Variants in ZZEF1 observed in about 807,000 individuals in gnomAD.
ZZEF1 encodes zinc finger ZZ-type and EF-hand domain containing 1.
ZZEF1 carries 157 observed loss-of-function variants against 342.8 expected under a neutral mutation model. The observed-to-expected ratio is 0.46, with a 90% CI of 0.40 to 0.52. The LOEUF (loss-of-function observed/expected upper bound fraction) is 0.52. Ranked by LOEUF, ZZEF1 falls within the 20% of genes least tolerant of loss-of-function variation. ZZEF1 has a pLI of 0.00. For synonymous variants in ZZEF1, 1,505 were observed against 1,429.1 expected, an observed-to-expected ratio of 1.05 and a Z score of -1.20; for missense variants, 3,480 against 3,725.6, an observed-to-expected ratio of 0.93 and a Z score of 1.72.
chr17:4,056,842 A>G (rs957661987), intron 32 of ZZEF1: 9 of 152,176 alleles, frequency 5.9e-5, no homozygotes, highest in African/African-American at 1.7e-4. Flanking sequence ...ATTTCAGACG[A>G]GATCAGGTGC....
At chr17:4,110,604 G>A (rs945307327) in intron 5 of ZZEF1, among the ~76,000 whole-genome samples, 23 of 150,858 alleles carry the variant, frequency 1.5e-4, no homozygotes, top group African/African-American at 5.6e-4. Context: ...AGCAATCACA[G>A]AATTGTGATT....
At chr17:4,019,558 G>A (rs2056210206) in intron 46 of ZZEF1, 111 bp downstream of exon 46, 1 of 948,036 alleles carries the variant, frequency 1.1e-6, no homozygotes, top group Non-Finnish European at 1.6e-6. Flanking sequence ...CTGCTTCCCG[G>A]CCTGTCGGAG....
In ZZEF1 at chr17:4,074,814, A is replaced by G. The variant is rs2057577574; in HGVS notation, c.3483+283T>C. 2.0e-5 allele frequency among the ~76,000 whole-genome samples: 3 copies of G among 152,334 alleles called. No homozygotes were observed. The South Asian group carries it at 6.2e-4, about 32-fold the overall frequency. On this transcript the variant is annotated intron_variant, in intron 23 of 54. Transcript: ENST00000381638. ...TTCTTGCTAAGGATGAAGGCTCTTC[A>G]TTTACTCTAGACAACGCTGTCTGCT...
intron 2 of ZZEF1, among the ~76,000 whole-genome samples, chr17:4,118,409 CA>C (rs993903778): frequency 5.3e-5 from 8 of 152,174 alleles, no homozygotes; most frequent in African/African-American, 1.7e-4. Flanking sequence ...GGCCTTGCTC[CA>C]AAATCTTAAA....
chr17:4,122,830 AAAGAAAGAGG>A (rs1399499771), intron 2 of ZZEF1, among the ~76,000 whole-genome samples: 1 of 152,130 alleles, frequency 6.6e-6, no homozygotes, highest in Non-Finnish European at 1.5e-5. Flanking sequence ...ACAGAAAGAG[AAAGAAAGAGG>A]AGCCACATTC....
chr17:4,095,018 A>C (rs67815988), intron 11 of ZZEF1, among the ~76,000 whole-genome samples: 25,335 of 152,036 alleles, frequency 0.17, 2,166 homozygotes, highest in East Asian at 0.18. Flanking sequence ...CCCTCACATG[A>C]TGCTTTAAGG....
At chr17:4,074,880 T>C (rs933390692) in intron 23 of ZZEF1, among the ~76,000 whole-genome samples, 1 of 152,268 alleles carries the variant, frequency 6.6e-6, no homozygotes, top group Non-Finnish European at 1.5e-5. Context: ...AAAGCAGCTA[T>C]AAATGATAAA....
chr17:4,109,534 G>A (rs2058263510), intron 6 of ZZEF1, 119 bp downstream of exon 6: 1 of 1,048,184 alleles, frequency 9.5e-7, no homozygotes. Flanking sequence ...GGGCACCTGA[G>A]GCCGAGCTGA....
At chr17:4,064,867 AGTT>A in intron 28 of ZZEF1, 38 bp from the exon 29 acceptor site, 2 of 1,399,214 alleles carry the variant, frequency 1.4e-6, no homozygotes, top group Non-Finnish European at 1.9e-6. Flanking sequence ...AAAAAAAAAA[AGTT>A]AAAATTATGG....
chr17:4,028,873 A>G (rs746141118), intron 42 of ZZEF1, among the ~76,000 whole-genome samples: 1 of 152,256 alleles, frequency 6.6e-6, no homozygotes, highest in Non-Finnish European at 1.5e-5. Flanking sequence ...CTCTGAGGAT[A>G]CTAAAGGATG....
In ZZEF1 at chr17:4,075,563, G is replaced by A. The variant is rs2057595531; in HGVS notation, c.3235-134C>T. ...CCTGCACAAACCAGCAGGCAGGCTC[G>A]AAGACAAACCTGACATTCCCATCTT... is the stretch of plus-strand genomic sequence containing the variant. On this transcript the variant is annotated intron_variant, in intron 21 of 54. Coordinates refer to ENST00000381638, the MANE Select transcript of ZZEF1 (RefSeq NM_015113.4). 26 of 931,462 alleles carry A rather than the reference G, an allele frequency of 2.8e-5. 2 individuals carry two copies. In the South Asian group the frequency reaches 3.8e-4, roughly 14 times the overall value. The allele number at this position is 931,462 out of a possible 1,614,324, so 57.7% of individuals were successfully genotyped here.
At position 4,114,458 on chromosome 17, in the gene ZZEF1, T is replaced by C. The variant is rs201625093; in HGVS notation, c.707A>G (p.Asp236Gly). The change falls in exon 4 of 55, where the codon GAT (aspartate) becomes GGT (glycine). Residue 236 changes from aspartate (D) to glycine (G), a missense_variant. This residue lies in a region of ZZEF1 where 416 missense variants were observed against 374.2 expected (regional missense o/e 1.11). Coordinates refer to ENST00000381638, the MANE Select transcript of ZZEF1 (RefSeq NM_015113.4). ...ATCCATCTCTGGACTTCTAGTTAGA[T>C]CTCCAGGGCTTTCTGTAGGGGAAAC... ...LVQKEKESPG[D>G]LTRSPEMDKL... 6.5e-6 allele frequency: 10 copies of C among 1,546,370 alleles called. No homozygotes were observed. Among genetic ancestry groups the C allele is most frequent in the Non-Finnish European group, 7.9e-6 (9 of 1,145,344 alleles).
At chr17:4,104,094 C>T (rs1222870357) in intron 8 of ZZEF1, among the ~76,000 whole-genome samples, 1 of 152,164 alleles carries the variant, frequency 6.6e-6, no homozygotes, top group Non-Finnish European at 1.5e-5. Context: ...AGGCCCCATC[C>T]TGGTTTGGTA....
chr17:4,042,531 T>C lies in ZZEF1; in HGVS notation c.6204A>G (p.Ile2068Met), dbSNP rs367679986. 1.6e-5 allele frequency: 26 copies of C among 1,613,790 alleles called. No individual in the cohort carries two copies. Among genetic ancestry groups the C allele is most frequent in the Non-Finnish European group, 2.2e-5 (26 of 1,179,950 alleles). Reference protein sequence around the residue: ...EDSEVSSQKPIEEKAVTPSPE... With the variant: ...EDSEVSSQKPMEEKAVTPSPE... Reference sequence around the variant, plus strand: ...GGCTTGGAGTAACTGCTTTTTCCTCTATGGGCTTCTGAGATGACACTTCTG... The same window carrying C: ...GGCTTGGAGTAACTGCTTTTTCCTCCATGGGCTTCTGAGATGACACTTCTG... The change falls in exon 39 of 55, where the codon ATA becomes ATG. Residue 2068 changes from isoleucine to methionine, a missense_variant. Around this residue, in one of 5 missense-constraint regions of ZZEF1, gnomAD observed 1,269 missense variants for 1,342.4 expected, o/e 0.95. Coordinates refer to ENST00000381638, the MANE Select transcript of ZZEF1 (RefSeq NM_015113.4).
chr17:4,032,971 C>T lies in ZZEF1; in HGVS notation c.6616G>A (p.Ala2206Thr), dbSNP rs774691210. 6.3e-7 allele frequency: 1 copy of T among 1,593,606 alleles called. No homozygotes were observed. The stretch of plus-strand genomic sequence containing the variant: ...CTGTTGAGTGACCGCAGGATCTCTG[C>T]CATGGAGCACGCCCAGTCCAAGCCC... Reference protein sequence around the residue: ...RVGLDWACSMAEILRSLNSAP... With the variant: ...RVGLDWACSMTEILRSLNSAP... The change falls in exon 41 of 55, where the codon GCA becomes ACA. Residue 2206 changes from alanine (A) to threonine (T), a missense_variant. Ala to Thr is a moderately conservative substitution (Grantham distance 58). Around this residue, in one of 5 missense-constraint regions of ZZEF1, gnomAD observed 1,269 missense variants for 1,342.4 expected, o/e 0.95. Transcript: ENST00000381638.
At chr17:4,132,463 T>C (rs9898108) in intron 1 of ZZEF1, among the ~76,000 whole-genome samples, 3 of 148,448 alleles carry the variant, frequency 2.0e-5, no homozygotes, top group Non-Finnish European at 3.0e-5. Flanking sequence ...CTTTGGGAGG[T>C]CAAGGTGGGC....
At chr17:4,019,567 A>C (rs2144972628) in intron 46 of ZZEF1, 102 bp downstream of exon 46, 1 of 1,034,448 alleles carries the variant, frequency 9.7e-7, no homozygotes, top group Non-Finnish European at 1.4e-6. Context: ...GGCCTGTCGG[A>C]GCGTCGATCG....
intron 37 of ZZEF1, among the ~76,000 whole-genome samples, chr17:4,046,526 C>G (rs1332600632): frequency 2.0e-5 from 3 of 152,186 alleles, no homozygotes; most frequent in Non-Finnish European, 4.4e-5. Flanking sequence ...CAGGAGGTGA[C>G]ATGCCGTCTC....
At chr17:4,046,590 C>T (rs1272283538) in intron 37 of ZZEF1, among the ~76,000 whole-genome samples, 1 of 152,156 alleles carries the variant, frequency 6.6e-6, no homozygotes, top group East Asian at 1.9e-4. Context: ...AATATCAATC[C>T]TACCTTCAAC....
Sources: allele counts gnomAD v4.1 joint callset (sites outside exome capture counted in the v4.1 genomes callset), GRCh38; gene constraint gnomAD v4.1.1; regional missense constraint gnomAD v4.1.1; transcripts MANE v1.5; gene names NCBI Gene and HGNC (gene_info 2026-07-23, HGNC 2026-07-21).